Variants in SRGAP3 observed in about 807,000 individuals in gnomAD.
SRGAP3 encodes SLIT-ROBO Rho GTPase-activating protein 3.
A neutral mutation model predicts 121.1 loss-of-function variants in SRGAP3; 39 were observed. The observed-to-expected ratio is 0.32, with a 90% CI of 0.25 to 0.42. The LOEUF (loss-of-function observed/expected upper bound fraction) is 0.42, where lower values mean the gene tolerates loss of function less well. Among genes scored for constraint, SRGAP3 ranks in the 10% least tolerant of loss-of-function variants. The pLI, the probability that SRGAP3 is intolerant of heterozygous loss-of-function variation, is 1.00. For synonymous variants in SRGAP3, 601 were observed against 570.0 expected, an observed-to-expected ratio of 1.05 and a Z score of -0.77; for missense variants, 1,213 against 1,470.6, an observed-to-expected ratio of 0.82 and a Z score of 2.86.
intron 10 of SRGAP3, among the ~76,000 whole-genome samples, chr3:9,047,018 G>A (rs1236462738): frequency 6.6e-6 from 1 of 151,994 alleles, no homozygotes; most frequent in African/African-American, 2.4e-5. Context: ...TTTTTTAGTA[G>A]AGACGGGGTT....
intron 2 of SRGAP3, among the ~76,000 whole-genome samples, chr3:9,119,114 A>T (rs1458079211): frequency 2.6e-5 from 4 of 152,206 alleles, no homozygotes; most frequent in Non-Finnish European, 5.9e-5. Context: ...AGGAGGACAG[A>T]CAAGTAAACA....
At position 8,981,150 on chromosome 3, in the gene SRGAP3, T is replaced by C. The variant is rs1447598204; in HGVS notation, c.*4369A>G. 4.3e-6 allele frequency: 1 copy of C among 232,974 alleles called. No individual in the cohort carries two copies. The highest frequency in any genetic ancestry group is 2.2e-5 in the African/African-American group (1 of 45,314). The allele number at this position is 232,974 out of a possible 1,614,324, so 14.4% of individuals were successfully genotyped here. ...GGAGGGCTTGGACCTGACAGCAAAG[T>C]CCCTTCTCTCGGCTCCCCTGGGCAG... is the stretch of plus-strand genomic sequence containing the variant. On this transcript the variant is annotated 3_prime_UTR_variant, in exon 22 of 22. Coordinates refer to ENST00000383836, the MANE Select transcript of SRGAP3 (RefSeq NM_014850.4).
intron 3 of SRGAP3, among the ~76,000 whole-genome samples, chr3:9,304,483 A>C (rs562768144): frequency 1.3e-5 from 2 of 152,336 alleles, no homozygotes; most frequent in East Asian, 3.9e-4. Context: ...TGTGCTCAGC[A>C]TTCTATCTTT....
chr3:9,025,404 G>A (rs562841784), intron 13 of SRGAP3, 66 bp from the exon 14 acceptor site: 50 of 1,499,982 alleles, frequency 3.3e-5, no homozygotes, highest in Admixed American at 8.4e-5. Flanking sequence ...TTAGACTACC[G>A]GGAATATCAG....
intron 2 of SRGAP3, among the ~76,000 whole-genome samples, chr3:9,326,543 G>C (rs1356919028): frequency 6.6e-6 from 1 of 151,774 alleles, no homozygotes; most frequent in East Asian, 1.9e-4. Context: ...TTAAGGACTT[G>C]GGAAGGATAA....
chr3:9,260,956 G>A (rs1954241688), intron 3 of SRGAP3, among the ~76,000 whole-genome samples: 1 of 152,214 alleles, frequency 6.6e-6, no homozygotes, highest in South Asian at 2.1e-4. Flanking sequence ...GAGTGCTCCA[G>A]CTGGCATCTG....
chr3:9,308,339 A>G (rs977363792), intron 3 of SRGAP3, among the ~76,000 whole-genome samples: 2 of 152,226 alleles, frequency 1.3e-5, no homozygotes, highest in African/African-American at 4.8e-5. Context: ...AGCATATAAC[A>G]TTTATAAAGC....
At chr3:9,321,996 T>TAAA (rs932085661) in intron 3 of SRGAP3, among the ~76,000 whole-genome samples, 10 of 150,842 alleles carry the variant, frequency 6.6e-5, no homozygotes, top group Admixed American at 5.9e-4. Flanking sequence ...ATAATAATAA[T>TAAA]AAATGTTTAA....
chr3:9,198,352 C>G (rs948448951), intron 1 of SRGAP3, among the ~76,000 whole-genome samples: 1 of 152,178 alleles, frequency 6.6e-6, no homozygotes, highest in African/African-American at 2.4e-5. Flanking sequence ...AGGAAGACAT[C>G]TTCTTCTTCA....
chr3:9,332,886 G>A (rs1440772466), intron 1 of SRGAP3, among the ~76,000 whole-genome samples: 1 of 152,182 alleles, frequency 6.6e-6, no homozygotes, highest in African/African-American at 2.4e-5. Context: ...TCCCGTAGCT[G>A]TCACTTTTAT....
At chr3:9,222,185 T>C (rs1031718805) in intron 1 of SRGAP3, among the ~76,000 whole-genome samples, 1 of 152,222 alleles carries the variant, frequency 6.6e-6, no homozygotes, top group Non-Finnish European at 1.5e-5. Context: ...AGTCTTTCCA[T>C]ATGTTTACCT....
chr3:9,314,365 G>C (rs1267944982), intron 3 of SRGAP3, among the ~76,000 whole-genome samples: 2 of 151,938 alleles, frequency 1.3e-5, no homozygotes, highest in Non-Finnish European at 2.9e-5. Context: ...AGACCAGCCT[G>C]GGCAACACAG....
At chr3:9,007,222 A>G (rs1171605076) in intron 18 of SRGAP3, 1 of 152,042 alleles carries the variant, frequency 6.6e-6, no homozygotes, top group African/African-American at 2.4e-5. Flanking sequence ...TGCCCACCTC[A>G]ACTTCCCAAA....
intron 1 of SRGAP3, among the ~76,000 whole-genome samples, chr3:9,146,776 C>T (rs927912212): frequency 1.3e-5 from 2 of 152,166 alleles, no homozygotes; most frequent in Non-Finnish European, 2.9e-5. Context: ...GGGAACCCCA[C>T]AAGGTACACC....
At chr3:9,315,031 G>A (rs1042817233) in intron 3 of SRGAP3, among the ~76,000 whole-genome samples, 7 of 152,226 alleles carry the variant, frequency 4.6e-5, no homozygotes, top group Admixed American at 3.9e-4. Context: ...TAAGCACTAT[G>A]AAGATTTATT....
At chr3:9,260,725 C>T (rs1954237129) in intron 3 of SRGAP3, among the ~76,000 whole-genome samples, 1 of 152,210 alleles carries the variant, frequency 6.6e-6, no homozygotes, top group African/African-American at 2.4e-5. Flanking sequence ...GGCGCAGCTT[C>T]AACAGACTTA....
intron 3 of SRGAP3, among the ~76,000 whole-genome samples, chr3:9,083,452 A>G (rs966614852): frequency 9.2e-5 from 14 of 152,198 alleles, no homozygotes; most frequent in South Asian, 2.1e-4. Context: ...TTTGCATATC[A>G]TATGTTCTCT....
intron 3 of SRGAP3, among the ~76,000 whole-genome samples, chr3:9,260,161 AGGAGATTCCCTCG>A (rs1954223108): frequency 6.6e-6 from 1 of 152,184 alleles, no homozygotes; most frequent in African/African-American, 2.4e-5. Context: ...CCCACCGACC[AGGAGATTCCCTCG>A]GGTGCCTACA....
At chr3:9,130,523 C>T (rs1026177828) in intron 1 of SRGAP3, among the ~76,000 whole-genome samples, 12 of 152,204 alleles carry the variant, frequency 7.9e-5, no homozygotes, top group Non-Finnish European at 1.6e-4. Context: ...GAGGAAGTCG[C>T]TAGCCTGTGC....
Sources: gnomAD v4.1 joint callset for allele counts (sites outside exome capture counted in the v4.1 genomes callset) on GRCh38, gnomAD v4.1.1 for gene constraint, MANE v1.5 for transcripts, NCBI Gene and HGNC (gene_info 2026-07-23, HGNC 2026-07-21) for gene names.